LRRC40: variants seen among roughly 807,000 people sequenced by gnomAD.
LRRC40 encodes the protein leucine rich repeat containing 40, also known as leucine-rich repeat-containing protein 40.
Under a neutral mutation model 72.8 loss-of-function variants are expected in LRRC40, and 76 were observed. That is an observed-to-expected ratio of 1.04 (90% CI 0.87 to 1.26). The LOEUF (loss-of-function observed/expected upper bound fraction) is 1.26, where lower values mean the gene tolerates loss of function less well. Ranked by LOEUF, LRRC40 falls within the 50% of genes most tolerant of loss-of-function variation. The pLI is 0.00. For missense variants in LRRC40, 684 were observed against 698.9 expected (o/e 0.98, Z 0.24); for synonymous variants, 243 against 254.2 (o/e 0.96, Z 0.42).
At chr1:70,177,651 G>C (rs942298852) in intron 6 of LRRC40, among the ~76,000 whole-genome samples, 1 of 152,174 alleles carries the variant, frequency 6.6e-6, no homozygotes, top group Non-Finnish European at 1.5e-5. Context: ...AAGAAAAGTT[G>C]AATTGCCTGA....
At chr1:70,156,927 A>G (rs1667650510) in intron 10 of LRRC40, among the ~76,000 whole-genome samples, 1 of 152,184 alleles carries the variant, frequency 6.6e-6, no homozygotes. Context: ...GCAGAAAGTG[A>G]AACTGTGGAT....
intron 9 of LRRC40, among the ~76,000 whole-genome samples, chr1:70,162,864 C>T (rs534885508): frequency 2.0e-5 from 3 of 152,048 alleles, no homozygotes; most frequent in Non-Finnish European, 4.4e-5. Flanking sequence ...AATATGATTC[C>T]AATTCATTAA....
At chr1:70,195,785 G>C (rs1291134681) in intron 1 of LRRC40, among the ~76,000 whole-genome samples, 1 of 152,126 alleles carries the variant, frequency 6.6e-6, no homozygotes, top group African/African-American at 2.4e-5. Flanking sequence ...ACAGGCATGT[G>C]CCACCATGCC....
chr1:70,189,082 G>T lies in LRRC40; in HGVS notation c.333+10C>A. The T allele has an allele frequency of 6.2e-7, 1 of 1,602,028 alleles. No individual in the cohort carries two copies. ...AATTAATAATCCATATTTATAGTCA[G>T]TCAACTTACATCAAGAACAGTCAGT... On this transcript the variant is annotated intron_variant, in intron 2 of 14. Coordinates refer to ENST00000370952, the MANE Select transcript of LRRC40 (RefSeq NM_017768.5).
intron 7 of LRRC40, among the ~76,000 whole-genome samples, chr1:70,174,713 C>T (rs1668066790): frequency 6.6e-6 from 1 of 151,976 alleles, no homozygotes; most frequent in Admixed American, 6.6e-5. Flanking sequence ...ATTTATGTGA[C>T]ATTCTAAAAA....
rs1378327606 is a variant in LRRC40, at chr1:70,149,180, G to GAT, written c.1518-510_1518-509dup. On this transcript the variant is annotated intron_variant, in intron 13 of 14. Coordinates refer to ENST00000370952, the MANE Select transcript of LRRC40 (RefSeq NM_017768.5). ...CCAAGCAACCCTGAAGATGCCACAA[G>GAT]ATATGGGAAGGCTAATAGCTCTCAA... Among the ~76,000 whole-genome samples the GAT allele has an allele frequency of 9.2e-5, 14 of 152,320 alleles. No individual in the cohort carries two copies. The East Asian group carries it at 2.5e-3, about 27-fold the overall frequency.
At chr1:70,204,294 A>G (rs574587) in intron 1 of LRRC40, among the ~76,000 whole-genome samples, 145,104 of 152,324 alleles carry the variant, frequency 0.95, 69,200 homozygotes, top group East Asian at 1. Context: ...TGACTTCATG[A>G]TATTAACCTT....
At chr1:70,167,244 A>G (rs1434374794) in intron 9 of LRRC40, among the ~76,000 whole-genome samples, 4 of 151,432 alleles carry the variant, frequency 2.6e-5, no homozygotes, top group East Asian at 3.9e-4. Flanking sequence ...AAAAAAAAAA[A>G]AAAGAAAAAA....
chr1:70,186,939 A>G (rs976252842), intron 3 of LRRC40, among the ~76,000 whole-genome samples: 46 of 152,218 alleles, frequency 3.0e-4, no homozygotes, highest in African/African-American at 9.4e-4. Context: ...ATATCAAGGT[A>G]ACTTAAAAGT....
chr1:70,159,219 T>C (rs931964069), intron 10 of LRRC40, 111 bp downstream of exon 10: 2 of 435,516 alleles, frequency 4.6e-6, no homozygotes, highest in African/African-American at 4.1e-5. Flanking sequence ...TCCTAGCACT[T>C]TGAGAGGCCA....
chr1:70,178,290 G>T (rs74085992), intron 6 of LRRC40, among the ~76,000 whole-genome samples: 13,534 of 152,156 alleles, frequency 0.089, 784 homozygotes, highest in East Asian at 0.3. Context: ...ATAATTATCA[G>T]ATGGAAAATT....
intron 1 of LRRC40, among the ~76,000 whole-genome samples, chr1:70,202,388 G>C (rs1232552449): frequency 6.6e-6 from 1 of 152,098 alleles, no homozygotes; most frequent in Non-Finnish European, 1.5e-5. Flanking sequence ...AAAATACATG[G>C]ATGAACCTTA....
intron 7 of LRRC40, among the ~76,000 whole-genome samples, chr1:70,175,606 T>C (rs1212022467): frequency 2.0e-5 from 3 of 152,166 alleles, no homozygotes; most frequent in African/African-American, 7.2e-5. Context: ...AAGTCATAAA[T>C]ATGTCTGCTT....
rs373365862 is a variant in LRRC40, at chr1:70,164,864, T to C, written c.1112-5426A>G. ...ATTTTTAAATTATAGTCCATTGATATTTACCTAGCCTATTGATGTAGAACA... is the reference window on the plus strand; with the variant it reads ...ATTTTTAAATTATAGTCCATTGATACTTACCTAGCCTATTGATGTAGAACA... On this transcript the variant is annotated intron_variant, in intron 9 of 14. Coordinates refer to ENST00000370952, the MANE Select transcript of LRRC40 (RefSeq NM_017768.5). Among the ~76,000 whole-genome samples the C allele has an allele frequency of 1.1e-4, 16 of 152,340 alleles. No individual in the cohort carries two copies. In the East Asian group the frequency reaches 1.5e-3, roughly 15 times the overall value.
At chr1:70,180,333 C>A (rs755791660) in intron 5 of LRRC40, 1 of 152,116 alleles carries the variant, frequency 6.6e-6, no homozygotes, top group African/African-American at 2.4e-5. Context: ...TATGTGGATA[C>A]CCGATTGGCA....
chr1:70,168,599 A>C (rs1388364521), intron 9 of LRRC40, among the ~76,000 whole-genome samples: 1 of 152,220 alleles, frequency 6.6e-6, no homozygotes, highest in African/African-American at 2.4e-5. Flanking sequence ...GGTTATGGTA[A>C]AAGGCAGTTG....
At chr1:70,187,235 A>G (rs1039654868) in intron 3 of LRRC40, 30 bp downstream of exon 3, 5 of 1,056,918 alleles carry the variant, frequency 4.7e-6, no homozygotes, top group Non-Finnish European at 7.3e-6. Flanking sequence ...TATAAGGGCA[A>G]TAATATAAGT....
intron 1 of LRRC40, among the ~76,000 whole-genome samples, chr1:70,192,366 G>A (rs1668520540): frequency 6.6e-6 from 1 of 151,994 alleles, no homozygotes; most frequent in South Asian, 2.1e-4. Context: ...ACTGTTGGTA[G>A]GAGTGTAAAT....
At chr1:70,184,099 T>C (rs929828764) in intron 4 of LRRC40, among the ~76,000 whole-genome samples, 6 of 151,870 alleles carry the variant, frequency 4.0e-5, no homozygotes, top group African/African-American at 1.5e-4. Context: ...AATACAAAAA[T>C]TAGCCGGGCA....
Sources: gnomAD v4.1 joint callset for allele counts (sites outside exome capture counted in the v4.1 genomes callset) on GRCh38, gnomAD v4.1.1 for gene constraint, MANE v1.5 for transcripts, NCBI Gene and HGNC (gene_info 2026-07-23, HGNC 2026-07-21) for gene names.